IRAG1: variants seen among roughly 807,000 people sequenced by gnomAD.
The protein encoded by IRAG1 is inositol 1,4,5-triphosphate receptor associated 1.
A neutral mutation model predicts 106.2 loss-of-function variants in IRAG1; 62 were observed. The observed-to-expected ratio is 0.58, with a 90% CI of 0.48 to 0.72. The LOEUF is 0.72. IRAG1 is among the 30% of genes least tolerant of loss of function. IRAG1 has a pLI of 0.00. For synonymous variants in IRAG1, 462 were observed against 443.9 expected, an observed-to-expected ratio of 1.04 and a Z score of -0.51; for missense variants, 1,064 against 1,140.7, an observed-to-expected ratio of 0.93 and a Z score of 0.97.
chr11:10,680,511 AAAAG>A lies in IRAG1; in HGVS notation c.67+13021_67+13024del, dbSNP rs1400465852. 1.3e-4 allele frequency among the ~76,000 whole-genome samples: 13 copies of A among 101,876 alleles called. No homozygotes were observed. The South Asian group carries it at 3.7e-3, about 29-fold the overall frequency. 66.8% of individuals were successfully genotyped at this position (101,876 alleles called of 152,430 possible). ...GGAGGGAGAAAGAGAGAGAAAGGGA[AAAAG>A]AAAGGAAGAAAGGAAGGAAGGAAGG... On this transcript the variant is annotated intron_variant, in intron 1 of 20. Coordinates refer to ENST00000423302, the MANE Select transcript of IRAG1 (RefSeq NM_130385.4).
At chr11:10,614,889 T>C (rs1855269910) in intron 10 of IRAG1, among the ~76,000 whole-genome samples, 1 of 152,152 alleles carries the variant, frequency 6.6e-6, no homozygotes, top group Non-Finnish European at 1.5e-5. Context: ...GGCAAGGACT[T>C]CATGTCTAAA....
chr11:10,587,110 C>G (rs1392452024), intron 18 of IRAG1, among the ~76,000 whole-genome samples: 2 of 152,284 alleles, frequency 1.3e-5, no homozygotes, highest in South Asian at 4.1e-4. Context: ...GCCTGAAATC[C>G]TATGTGCTTT....
At chr11:10,637,555 C>A (rs1857231562) in intron 2 of IRAG1, among the ~76,000 whole-genome samples, 1 of 152,082 alleles carries the variant, frequency 6.6e-6, no homozygotes, top group Non-Finnish European at 1.5e-5. Context: ...GAAGATTATG[C>A]AAGTAAAAAG....
chr11:10,583,684 A>T (rs980459782), intron 18 of IRAG1, among the ~76,000 whole-genome samples: 3 of 152,146 alleles, frequency 2.0e-5, no homozygotes, highest in Admixed American at 6.5e-5. Context: ...GGTAGAAATG[A>T]TCCAGTAGAG....
intron 8 of IRAG1, 102 bp downstream of exon 8, chr11:10,627,614 C>T: frequency 8.1e-7 from 1 of 1,237,664 alleles, no homozygotes; most frequent in Non-Finnish European, 1.2e-6. Context: ...CATACGTGTG[C>T]ATGCACACAC....
Position 10,593,583 on chromosome 11 carries a change from C to G in IRAG1, c.2084G>C (p.Arg695Thr), listed in dbSNP as rs1053558629. 6.2e-7 allele frequency: 1 copy of G among 1,613,700 alleles called. No homozygotes were observed. Among genetic ancestry groups the G allele is most frequent in the Non-Finnish European group, 8.5e-7 (1 of 1,179,684 alleles). Reference sequence around the variant, plus strand: ...CTTAGGAACCACAGCAACGCTGACCCTCCGGCGAGGCATATTCTGCAGGAA... The same window carrying G: ...CTTAGGAACCACAGCAACGCTGACCGTCCGGCGAGGCATATTCTGCAGGAA... The part of the protein sequence containing the change: ...LTLGKNMPRR[R>T]VSVAVVPKFN... The change falls in exon 17 of 21, where the codon AGG (arginine) becomes ACG (threonine). Residue 695 changes from arginine to threonine, a missense_variant. By Grantham distance (71) the Arg-to-Thr change is moderately conservative (BLOSUM62 -1). Coordinates refer to ENST00000423302, the MANE Select transcript of IRAG1 (RefSeq NM_130385.4).
At chr11:10,646,775 A>G (rs970218373) in intron 2 of IRAG1, among the ~76,000 whole-genome samples, 2 of 152,154 alleles carry the variant, frequency 1.3e-5, no homozygotes, top group African/African-American at 4.8e-5. Context: ...GGATGCTCGG[A>G]GAGACCCAGA....
chr11:10,666,504 C>T (rs747438765), intron 1 of IRAG1, among the ~76,000 whole-genome samples: 3 of 152,220 alleles, frequency 2.0e-5, no homozygotes, highest in Non-Finnish European at 2.9e-5. Context: ...AATGCTAACA[C>T]AGGACCAGAA....
At chr11:10,615,217 C>A (rs1379299445) in intron 10 of IRAG1, among the ~76,000 whole-genome samples, 1 of 152,200 alleles carries the variant, frequency 6.6e-6, no homozygotes, top group African/African-American at 2.4e-5. Context: ...AAATGCAAAT[C>A]AAAACCACAA....
chr11:10,636,566 A>C (rs1857162144), intron 2 of IRAG1, among the ~76,000 whole-genome samples: 1 of 152,232 alleles, frequency 6.6e-6, no homozygotes, highest in East Asian at 1.9e-4. Flanking sequence ...TTTCTCTTTC[A>C]ACAAACACTT....
At chr11:10,686,555 G>T (rs1196414706) in intron 1 of IRAG1, among the ~76,000 whole-genome samples, 3 of 152,212 alleles carry the variant, frequency 2.0e-5, no homozygotes, top group Non-Finnish European at 2.9e-5. Flanking sequence ...CTGCTCCAGT[G>T]CCCTGCCCCG....
At chr11:10,598,061 G>A (rs1405731730) in intron 15 of IRAG1, among the ~76,000 whole-genome samples, 1 of 152,202 alleles carries the variant, frequency 6.6e-6, no homozygotes, top group African/African-American at 2.4e-5. Context: ...CTGCTGGTTG[G>A]TGATTATTAT....
intron 1 of IRAG1, among the ~76,000 whole-genome samples, chr11:10,675,095 C>T (rs1040196143): frequency 4.6e-5 from 7 of 152,188 alleles, no homozygotes; most frequent in Non-Finnish European, 8.8e-5. Context: ...GGAAACAGCC[C>T]CTGGGCTCCC....
chr11:10,581,625 G>A (rs1851404395), intron 19 of IRAG1, among the ~76,000 whole-genome samples: 1 of 151,832 alleles, frequency 6.6e-6, no homozygotes, highest in African/African-American at 2.4e-5. Flanking sequence ...GTGGCATTCT[G>A]GTGGCTCTCT....
chr11:10,614,617 A>G (rs965037883), intron 10 of IRAG1, among the ~76,000 whole-genome samples: 3 of 152,146 alleles, frequency 2.0e-5, no homozygotes, highest in Non-Finnish European at 2.9e-5. Context: ...GAACAGAACA[A>G]AGCCCTCAGA....
chr11:10,677,866 T>C (rs1860814142), intron 1 of IRAG1, among the ~76,000 whole-genome samples: 1 of 152,240 alleles, frequency 6.6e-6, no homozygotes, highest in African/African-American at 2.4e-5. Flanking sequence ...GTTATATGAA[T>C]GCAACCATAC....
intron 14 of IRAG1, among the ~76,000 whole-genome samples, chr11:10,602,540 G>A (rs1854118212): frequency 6.6e-6 from 1 of 152,212 alleles, no homozygotes; most frequent in Admixed American, 6.5e-5. Flanking sequence ...GGACTTCAAA[G>A]TGGCCAAGAG....
At position 10,576,013 on chromosome 11, in the gene IRAG1, C is replaced by A. The variant is rs1455964737; in HGVS notation, c.*319G>T. On this transcript the variant is annotated 3_prime_UTR_variant, in exon 21 of 21. Coordinates refer to ENST00000423302, the MANE Select transcript of IRAG1 (RefSeq NM_130385.4). Reference sequence around the variant, plus strand: ...CCCGTGCCCCGCTCCTTACCCCCAACCACCAGTGAAGGTGTTTTAGTTCTC... The same window carrying A: ...CCCGTGCCCCGCTCCTTACCCCCAAACACCAGTGAAGGTGTTTTAGTTCTC... 3.0e-5 allele frequency: 10 copies of A among 328,396 alleles called. No individual in the cohort carries two copies. The highest frequency in any genetic ancestry group is 5.8e-5 in the Non-Finnish European group (10 of 172,342). 20.3% of individuals were successfully genotyped at this position (328,396 alleles called of 1,614,324 possible).
chr11:10,649,771 G>T (rs565258377), intron 2 of IRAG1, among the ~76,000 whole-genome samples: 1 of 152,162 alleles, frequency 6.6e-6, no homozygotes, highest in Non-Finnish European at 1.5e-5. Flanking sequence ...CTGCCACAAA[G>T]TTGAGAGTAA....
Sources: gnomAD v4.1 joint callset for allele counts (sites outside exome capture counted in the v4.1 genomes callset) on GRCh38, gnomAD v4.1.1 for gene constraint, MANE v1.5 for transcripts, NCBI Gene and HGNC (gene_info 2026-07-23, HGNC 2026-07-21) for gene names.